ATXN1: variants seen among roughly 807,000 people sequenced by gnomAD.
ATXN1 encodes the protein ataxin-1.
A neutral mutation model predicts 56.4 loss-of-function variants in ATXN1; 8 were observed. The ratio of observed to expected loss-of-function variants is 0.14; its 90% CI spans 0.08 to 0.26. The LOEUF (loss-of-function observed/expected upper bound fraction) is 0.26. ATXN1 is among the 10% of genes least tolerant of loss of function. The pLI is 1.00. For synonymous variants in ATXN1, 514 were observed against 494.6 expected (o/e 1.04, Z -0.52); for missense variants, 987 against 1,106.5 (o/e 0.89, Z 1.53).
chr6:16,508,769 A>T (rs1200507918), intron 5 of ATXN1, among the ~76,000 whole-genome samples: 1 of 152,212 alleles, frequency 6.6e-6, no homozygotes. Flanking sequence ...TTCCATTTCC[A>T]GGTATATACC....
chr6:16,510,604 C>T (rs967033050), intron 5 of ATXN1, among the ~76,000 whole-genome samples: 1 of 152,096 alleles, frequency 6.6e-6, no homozygotes, highest in Non-Finnish European at 1.5e-5. Context: ...GGCATGGTGG[C>T]ACACACCTGT....
At chr6:16,508,238 G>A (rs4716077) in intron 5 of ATXN1, among the ~76,000 whole-genome samples, 39,066 of 151,990 alleles carry the variant, frequency 0.26, 5,912 homozygotes, top group African/African-American at 0.4. Flanking sequence ...AGTTCAAAAC[G>A]TGAGGAAGAT....
chr6:16,515,417 C>T (rs961046114), intron 5 of ATXN1, among the ~76,000 whole-genome samples: 2 of 152,186 alleles, frequency 1.3e-5, no homozygotes, highest in African/African-American at 2.4e-5. Flanking sequence ...TCCCTCCCTA[C>T]CACTACCACC....
chr6:16,514,078 ACTCT>A (rs981968756), intron 5 of ATXN1, among the ~76,000 whole-genome samples: 2 of 151,580 alleles, frequency 1.3e-5, no homozygotes, highest in African/African-American at 4.9e-5. Context: ...CTCTCATTAG[ACTCT>A]CTTCTACCAC....
intron 6 of ATXN1, among the ~76,000 whole-genome samples, chr6:16,478,934 G>A (rs953796740): frequency 6.6e-6 from 1 of 152,170 alleles, no homozygotes; most frequent in African/African-American, 2.4e-5. Context: ...GTCCAGCAGC[G>A]AATTCTGACA....
intron 2 of ATXN1, among the ~76,000 whole-genome samples, chr6:16,689,500 CTTTTTTTTTCTT>C (rs1461272862): frequency 1.6e-4 from 21 of 131,384 alleles, no homozygotes; most frequent in Admixed American, 2.4e-4. Flanking sequence ...TTTTTCCTTC[CTTTTTTTTTCTT>C]TTTTTTTTCT....
At chr6:16,630,194 C>G (rs1763481148) in intron 3 of ATXN1, among the ~76,000 whole-genome samples, 1 of 152,316 alleles carries the variant, frequency 6.6e-6, no homozygotes, top group South Asian at 2.1e-4. Flanking sequence ...CTTACACTCA[C>G]TGATTCACCC....
At chr6:16,435,728 G>A (rs1031366485) in intron 6 of ATXN1, among the ~76,000 whole-genome samples, 7 of 152,074 alleles carry the variant, frequency 4.6e-5, no homozygotes, top group African/African-American at 7.2e-5. Flanking sequence ...ATCTCCTAGC[G>A]GAGGCGGTAG....
At chr6:16,668,187 T>C (rs986795177) in intron 2 of ATXN1, among the ~76,000 whole-genome samples, 6 of 152,234 alleles carry the variant, frequency 3.9e-5, no homozygotes, top group African/African-American at 1.4e-4. Context: ...TTTTTGTTTT[T>C]GTTTTCTTAT....
intron 4 of ATXN1, among the ~76,000 whole-genome samples, chr6:16,572,962 G>A (rs551892793): frequency 1.3e-5 from 2 of 152,268 alleles, no homozygotes; most frequent in East Asian, 1.9e-4. Flanking sequence ...TATGAGTATG[G>A]TCCAACAGTA....
intron 4 of ATXN1, among the ~76,000 whole-genome samples, chr6:16,523,803 G>A (rs1355849357): frequency 2.0e-5 from 3 of 152,206 alleles, no homozygotes; most frequent in Non-Finnish European, 4.4e-5. Context: ...GGAAAGAACA[G>A]AGATGATGTG....
intron 4 of ATXN1, among the ~76,000 whole-genome samples, chr6:16,573,818 C>T (rs901815361): frequency 2.6e-5 from 4 of 152,142 alleles, no homozygotes; most frequent in African/African-American, 9.7e-5. Flanking sequence ...CAGTTTCCTC[C>T]ACCCATCATC....
At chr6:16,529,078 C>G (rs1466920199) in intron 4 of ATXN1, among the ~76,000 whole-genome samples, 1 of 151,444 alleles carries the variant, frequency 6.6e-6, no homozygotes, top group Non-Finnish European at 1.5e-5. Flanking sequence ...ACTTGGGAGG[C>G]TGAGGCAGGA....
At chr6:16,624,497 GTTTA>G (rs913414437) in intron 3 of ATXN1, among the ~76,000 whole-genome samples, 22 of 152,116 alleles carry the variant, frequency 1.4e-4, no homozygotes, top group African/African-American at 5.3e-4. Context: ...ACAATGTATG[GTTTA>G]TTTATTTACT....
At chr6:16,734,579 C>A (rs1323209614) in intron 2 of ATXN1, among the ~76,000 whole-genome samples, 1 of 152,196 alleles carries the variant, frequency 6.6e-6, no homozygotes, top group Non-Finnish European at 1.5e-5. Context: ...GCAATCTCAG[C>A]TCACTGCAGC....
intron 6 of ATXN1, among the ~76,000 whole-genome samples, chr6:16,404,659 C>A (rs1459042923): frequency 6.6e-6 from 1 of 151,914 alleles, no homozygotes; most frequent in Non-Finnish European, 1.5e-5. Flanking sequence ...CCCCAGCCCC[C>A]ACCACATGTG....
chr6:16,346,794 C>T (rs1761405947), intron 6 of ATXN1, among the ~76,000 whole-genome samples: 1 of 152,218 alleles, frequency 6.6e-6, no homozygotes, highest in Non-Finnish European at 1.5e-5. Context: ...TCTTGAGGAG[C>T]CCTTCACCCC....
Position 16,328,876 on chromosome 6 carries a change from G to A in ATXN1, c.-160-406C>T, listed in dbSNP as rs560694995. Among the ~76,000 whole-genome samples, 7 of 152,252 alleles carry A rather than the reference G, an allele frequency of 4.6e-5. No homozygotes were observed. The highest frequency in any genetic ancestry group is 4.2e-4 in the South Asian group (2 of 4,818). ...CAGGAGGCAGAGGTTGCAGTGAGCC[G>A]AGATTGCACCATTGTACTCCAGCCT... is the stretch of plus-strand genomic sequence containing the variant. On this transcript the variant is annotated intron_variant, in intron 6 of 7. Coordinates refer to ENST00000436367, the MANE Select transcript of ATXN1 (RefSeq NM_001128164.2). This position sits in a 1 kb window ranked among gnomAD's most constrained non-coding sequence, Gnocchi z 6.2.
intron 6 of ATXN1, among the ~76,000 whole-genome samples, chr6:16,477,593 T>C (rs939852916): frequency 5.9e-5 from 9 of 152,122 alleles, no homozygotes; most frequent in African/African-American, 2.2e-4. Context: ...TGTCATGGTG[T>C]TTCCCTTCCT....
Sources: gnomAD v4.1 joint callset for allele counts (sites outside exome capture counted in the v4.1 genomes callset) on GRCh38, gnomAD v4.1.1 for gene constraint, Gnocchi (gnomAD v3.1) non-coding constraint, MANE v1.5 for transcripts, NCBI Gene and HGNC (gene_info 2026-07-23, HGNC 2026-07-21) for gene names.